ROBO2: variants seen among roughly 807,000 people sequenced by gnomAD.
ROBO2 encodes the protein roundabout guidance receptor 2, also known as roundabout homolog 2.
In ROBO2, 53 loss-of-function variants were observed where a neutral mutation model predicts 160.8. The ratio of observed to expected loss-of-function variants is 0.33; its 90% CI spans 0.26 to 0.41. The LOEUF is 0.41. Ranked by LOEUF, ROBO2 falls within the 10% of genes least tolerant of loss-of-function variation. The pLI, the probability that ROBO2 is intolerant of heterozygous loss-of-function variation, is 1.00. For synonymous variants in ROBO2, 664 were observed against 611.7 expected (o/e 1.09, Z -1.26); for missense variants, 1,577 against 1,722.4 (o/e 0.92, Z 1.49).
intron 2 of ROBO2, among the ~76,000 whole-genome samples, chr3:76,693,493 A>ATATATC (rs4053711): frequency 2.0e-5 from 3 of 150,710 alleles, no homozygotes; most frequent in African/African-American, 7.3e-5. Flanking sequence ...GTGTATATAT[A>ATATATC]CATATATAGA....
chr3:76,200,197 A>G (rs1702457308), intron 2 of ROBO2, among the ~76,000 whole-genome samples: 1 of 152,108 alleles, frequency 6.6e-6, no homozygotes, highest in Non-Finnish European at 1.5e-5. Context: ...TTGGACTTAA[A>G]TGCAATCTTA....
chr3:77,596,808 T>G, intron 19 of ROBO2, 58 bp downstream of exon 20: 3 of 1,558,652 alleles, frequency 1.9e-6, no homozygotes, highest in Non-Finnish European at 2.6e-6. Context: ...TTTTTTTTTT[T>G]GACCTTCCTG....
intron 2 of ROBO2, among the ~76,000 whole-genome samples, chr3:77,449,256 A>G (rs1218351193): frequency 6.6e-6 from 1 of 152,102 alleles, no homozygotes; most frequent in African/African-American, 2.4e-5. Context: ...TTAGTGACTA[A>G]AGCAAATGGT....
At chr3:76,793,512 A>G (rs2063498308) in intron 2 of ROBO2, among the ~76,000 whole-genome samples, 1 of 151,958 alleles carries the variant, frequency 6.6e-6, no homozygotes, top group Non-Finnish European at 1.5e-5. Flanking sequence ...CTCAAGTGAA[A>G]GTATTACAGG....
chr3:76,682,553 G>A (rs1364892168), intron 2 of ROBO2, among the ~76,000 whole-genome samples: 4 of 151,864 alleles, frequency 2.6e-5, no homozygotes, highest in African/African-American at 4.8e-5. Context: ...GATTACAGGC[G>A]CCCACCACCA....
At position 76,399,941 on chromosome 3, in the gene ROBO2, A is replaced by C. The variant is rs181449416; in HGVS notation, c.109+462339A>C. ...GCAAACTTTTAGCAAGAATAAATTC[A>C]TTTTAAAATTGGCTTTACTCCATAA... On this transcript the variant is annotated intron_variant, in intron 2 of 26. Transcript: ENST00000487694. Among the ~76,000 whole-genome samples, 940 of 151,872 alleles carry C rather than the reference A, an allele frequency of 6.2e-3. 10 individuals carry two copies. The highest frequency in any genetic ancestry group is 0.05 in the South Asian group (243 of 4,832).
chr3:77,152,644 A>G (rs1468181526), intron 2 of ROBO2, among the ~76,000 whole-genome samples: 1 of 152,242 alleles, frequency 6.6e-6, no homozygotes, highest in Admixed American at 6.5e-5. Flanking sequence ...CCTTTCAACA[A>G]GATCCCGAAG....
chr3:76,758,211 A>T (rs969003942), intron 2 of ROBO2, among the ~76,000 whole-genome samples: 2 of 151,814 alleles, frequency 1.3e-5, no homozygotes, highest in African/African-American at 4.8e-5. Context: ...TGGAAAAAAA[A>T]ATACCATCCA....
chr3:77,569,375 G>A (rs2093580323), intron 13 of ROBO2, among the ~76,000 whole-genome samples: 1 of 151,942 alleles, frequency 6.6e-6, no homozygotes, highest in Non-Finnish European at 1.5e-5. Context: ...GTTCTGGTGA[G>A]TGTGTAGTGG....
intron 2 of ROBO2, among the ~76,000 whole-genome samples, chr3:76,469,409 A>G (rs574637740): frequency 3.1e-4 from 47 of 152,172 alleles, no homozygotes; most frequent in South Asian, 1.5e-3. Flanking sequence ...CAGTGGTGAG[A>G]AAAATTGGTA....
chr3:76,828,401 C>G (rs1047864483), intron 2 of ROBO2, among the ~76,000 whole-genome samples: 1 of 152,016 alleles, frequency 6.6e-6, no homozygotes, highest in African/African-American at 2.4e-5. Context: ...AACACACCCA[C>G]CCTTAAACAA....
intron 2 of ROBO2, among the ~76,000 whole-genome samples, chr3:75,939,108 G>C (rs1439489296): frequency 2.6e-5 from 4 of 151,818 alleles, no homozygotes; most frequent in Non-Finnish European, 5.9e-5. Context: ...TATGACACAG[G>C]GTTGCTGAAA....
At chr3:76,895,777 C>G (rs565880618) in intron 2 of ROBO2, among the ~76,000 whole-genome samples, 1 of 152,090 alleles carries the variant, frequency 6.6e-6, no homozygotes. Context: ...TTCATTTACT[C>G]GAATTAGGTT....
At position 77,522,814 on chromosome 3, in the gene ROBO2, G is replaced by A. The variant is rs746315018; in HGVS notation, c.846G>A (p.Lys282=). The A allele has an allele frequency of 3.6e-5, 58 of 1,609,368 alleles. 2 individuals carry two copies. In the South Asian group the frequency reaches 5.6e-4, roughly 16 times the overall value. ...ACGATTACACACTAAGAATTAAAAA[G>A]ACCATGAGTACAGATGAAGGCACCT... The change falls in exon 6 of 26, where the codon AAG becomes AAA. Residue 282 remains lysine, a synonymous_variant. Transcript: ENST00000461745.
At chr3:77,096,919 C>T (rs992911270) in intron 1 of ROBO2, among the ~76,000 whole-genome samples, 1 of 152,188 alleles carries the variant, frequency 6.6e-6, no homozygotes, top group South Asian at 2.1e-4. Flanking sequence ...ACCATCATTT[C>T]CCAAAGTCAG....
chr3:77,574,657 T>A, exon 14 of ROBO2: 1 of 1,613,344 alleles, frequency 6.2e-7, no homozygotes, highest in South Asian at 1.1e-5. Context: ...CTTATGAAAT[T>A]AAAGTACGGC....
At chr3:76,622,354 A>C (rs1234995268) in intron 2 of ROBO2, among the ~76,000 whole-genome samples, 1 of 151,792 alleles carries the variant, frequency 6.6e-6, no homozygotes, top group African/African-American at 2.4e-5. Flanking sequence ...AGTCCCAGCT[A>C]CTTGGGAGGC....
intron 2 of ROBO2, among the ~76,000 whole-genome samples, chr3:76,701,409 G>A (rs1576082654): frequency 6.6e-6 from 1 of 152,108 alleles, no homozygotes; most frequent in African/African-American, 2.4e-5. Flanking sequence ...CCAGGTAAAA[G>A]GAGTCAAATG....
intron 2 of ROBO2, among the ~76,000 whole-genome samples, chr3:76,418,046 T>G (rs2075825369): frequency 6.6e-6 from 1 of 151,900 alleles, no homozygotes; most frequent in Admixed American, 6.6e-5. Context: ...GAAAATAACC[T>G]TAACTTTGCT....
Sources: gnomAD v4.1 joint callset for allele counts (sites outside exome capture counted in the v4.1 genomes callset) on GRCh38, gnomAD v4.1.1 for gene constraint, MANE v1.5 for transcripts, NCBI Gene and HGNC (gene_info 2026-07-23, HGNC 2026-07-21) for gene names.